The following RP1 variants were observed in gnomAD, a reference collection of about 807,000 sequenced individuals.
RP1 encodes oxygen-regulated protein 1.
Under a neutral mutation model 14.8 loss-of-function variants are expected in RP1, and 16 were observed. The observed-to-expected ratio is 1.08, with a 90% CI of 0.73 to 1.65. The LOEUF (loss-of-function observed/expected upper bound fraction) is 1.65. RP1 is among the 40% of genes most tolerant of loss of function. The pLI is 0.00. For synonymous variants in RP1, 876 were observed against 883.6 expected, an observed-to-expected ratio of 0.99 and a Z score of 0.15; for missense variants, 2,631 against 2,535.0, an observed-to-expected ratio of 1.04 and a Z score of -0.81.
At chr8:54,820,533 C>G (rs964664334) in intron 24 of RP1, among the ~76,000 whole-genome samples, 3 of 152,100 alleles carry the variant, frequency 2.0e-5, no homozygotes, top group African/African-American at 7.2e-5. Flanking sequence ...AGGAAGAATT[C>G]TGTCCTGTGT....
intron 21 of RP1, among the ~76,000 whole-genome samples, chr8:54,758,382 C>T (rs947069190): frequency 7.2e-6 from 1 of 137,940 alleles, no homozygotes; most frequent in Non-Finnish European, 1.5e-5. Flanking sequence ...TCTTTTACAA[C>T]AAACCCAAGA....
chr8:54,567,357 C>A (rs1315503935), intron 1 of RP1, among the ~76,000 whole-genome samples: 1 of 152,050 alleles, frequency 6.6e-6, no homozygotes, highest in Non-Finnish European at 1.5e-5. Context: ...GTCTCAGAGC[C>A]TAATACCTTT....
Position 54,825,407 on chromosome 8 carries a change from C to T in RP1, c.3616-12043C>T, listed in dbSNP as rs542893958. On this transcript the variant is annotated intron_variant, in intron 24 of 28. Coordinates refer to the RP1 transcript ENST00000637698. ...AAGCATAGAGATTAGAGTTCTTGGGCACGTATTATTGTGTCTTTAGACATA... is the reference window on the plus strand; with the variant it reads ...AAGCATAGAGATTAGAGTTCTTGGGTACGTATTATTGTGTCTTTAGACATA... 5.9e-5 allele frequency among the ~76,000 whole-genome samples: 9 copies of T among 152,258 alleles called. No homozygotes were observed. The East Asian group carries it at 1.5e-3, about 26-fold the overall frequency.
chr8:54,843,669 G>A (rs959785057), intron 25 of RP1, among the ~76,000 whole-genome samples: 1 of 152,130 alleles, frequency 6.6e-6, no homozygotes, highest in Non-Finnish European at 1.5e-5. Context: ...TAAATCAAAG[G>A]GAAGCTTCAG....
intron 22 of RP1, among the ~76,000 whole-genome samples, chr8:54,767,312 G>A (rs1446333909): frequency 1.3e-5 from 2 of 151,862 alleles, no homozygotes; most frequent in South Asian, 2.1e-4. Flanking sequence ...TTGAAGCCAG[G>A]TTTTGAAACA....
At chr8:54,651,901 A>G (rs1221589864) in intron 4 of RP1, among the ~76,000 whole-genome samples, 1 of 150,528 alleles carries the variant, frequency 6.6e-6, no homozygotes, top group Non-Finnish European at 1.5e-5. Context: ...TGCTTTTTCC[A>G]TATTTTTGTG....
At chr8:54,718,535 C>G (rs1808461046) in intron 15 of RP1, among the ~76,000 whole-genome samples, 2 of 152,166 alleles carry the variant, frequency 1.3e-5, no homozygotes, top group South Asian at 4.1e-4. Context: ...GAATCTAGAC[C>G]CAGAGCTTAA....
intron 27 of RP1, among the ~76,000 whole-genome samples, chr8:54,857,401 G>A (rs967459721): frequency 1.4e-5 from 2 of 147,008 alleles, no homozygotes; most frequent in African/African-American, 5.0e-5. Context: ...GTAGATTTAT[G>A]ATATATATTT....
intron 3 of RP1, 63 bp downstream of exon 3, chr8:54,622,351 C>G: frequency 7.0e-7 from 1 of 1,432,444 alleles, no homozygotes; most frequent in South Asian, 1.2e-5. Flanking sequence ...GCCTCAAGGA[C>G]GGCAAAATCC....
chr8:54,665,905 TG>T (rs1196822755), intron 7 of RP1, among the ~76,000 whole-genome samples: 3 of 152,066 alleles, frequency 2.0e-5, no homozygotes, highest in African/African-American at 7.2e-5. Flanking sequence ...AAAGAAAAAC[TG>T]GGTGCTGGGG....
At chr8:54,581,227 T>C (rs564315715) in intron 1 of RP1, among the ~76,000 whole-genome samples, 25 of 148,668 alleles carry the variant, frequency 1.7e-4, no homozygotes, top group African/African-American at 5.4e-4. Flanking sequence ...CATTGTTCAA[T>C]TCCCACCTAT....
At chr8:54,693,133 T>C (rs894492725) in intron 12 of RP1, among the ~76,000 whole-genome samples, 6 of 152,184 alleles carry the variant, frequency 3.9e-5, no homozygotes, top group Non-Finnish European at 7.3e-5. Context: ...GTTGTAGATA[T>C]GAGGCATTAT....
chr8:54,685,549 T>C (rs943461106), intron 12 of RP1, among the ~76,000 whole-genome samples: 4 of 152,214 alleles, frequency 2.6e-5, no homozygotes, highest in African/African-American at 9.6e-5. Context: ...TTGCATTTAC[T>C]GAGGAGTGGA....
chr8:54,866,756 A>G (rs1812467738), intron 28 of RP1, among the ~76,000 whole-genome samples: 1 of 152,144 alleles, frequency 6.6e-6, no homozygotes, highest in African/African-American at 2.4e-5. Context: ...TATGGTCCCC[A>G]CATGGGAACA....
In RP1 at chr8:54,687,622, T is replaced by C. The variant is rs183440198; in HGVS notation, c.1717+7689T>C. Among the ~76,000 whole-genome samples the C allele has an allele frequency of 1.6e-3, 239 of 152,200 alleles. 1 individual carries two copies. The highest frequency in any genetic ancestry group is 5.0e-3 in the African/African-American group (209 of 41,556). ...GATGGTTTCCAGTTTCATCCATGTC[T>C]CTGCAAAGGACATGAACTCATCCTT... On this transcript the variant is annotated intron_variant, in intron 12 of 22. Transcript: ENST00000636932.
At chr8:54,773,059 T>A (rs1235702697), downstream of RP1, among the ~76,000 whole-genome samples, 1 of 152,136 alleles carries the variant, frequency 6.6e-6, no homozygotes, top group Non-Finnish European at 1.5e-5. Context: ...TGTATCCCCC[T>A]TTGGCTTACT....
chr8:54,630,610 TTTTTGGTATCTATGA>T lies in RP1; in HGVS notation c.*262_*276del. 1 of 1,237,576 alleles carries T rather than the reference TTTTTGGTATCTATGA, an allele frequency of 8.1e-7. No homozygotes were observed. Among genetic ancestry groups the T allele is most frequent in the Non-Finnish European group, 1.0e-6 (1 of 986,360 alleles). 76.7% of individuals were successfully genotyped at this position (1,237,576 alleles called of 1,614,324 possible). A position where few individuals can be genotyped will look rare whatever the true frequency, so the allele number is the denominator to read the frequency against. ...TTGTTCTGAACTTACATTTTTTTTTTTTTTGGTATCTATGATTTTTTTTGCTCAGGGCATCAAAAT... is the reference window on the plus strand; with the variant it reads ...TTGTTCTGAACTTACATTTTTTTTTTTTTTTTTTGCTCAGGGCATCAAAAT... On this transcript the variant is annotated 3_prime_UTR_variant, in exon 4 of 4. Coordinates refer to ENST00000220676, the MANE Select transcript of RP1 (RefSeq NM_006269.2).
At chr8:54,706,831 G>C (rs942583524) in intron 15 of RP1, among the ~76,000 whole-genome samples, 2 of 152,134 alleles carry the variant, frequency 1.3e-5, no homozygotes, top group African/African-American at 4.8e-5. Flanking sequence ...TGATAAGAGA[G>C]GAATCCTGAC....
chr8:54,680,598 T>G (rs959755941), intron 12 of RP1, among the ~76,000 whole-genome samples: 2 of 152,160 alleles, frequency 1.3e-5, no homozygotes, highest in Non-Finnish European at 2.9e-5. Flanking sequence ...ACCGCATGTC[T>G]CAAAATGTAA....
Sources: allele counts gnomAD v4.1 joint callset (sites outside exome capture counted in the v4.1 genomes callset), GRCh38; gene constraint gnomAD v4.1.1; transcripts MANE v1.5; gene names NCBI Gene and HGNC (gene_info 2026-07-23, HGNC 2026-07-21).